The following SSBP3 variants were observed in gnomAD, a reference collection of about 807,000 sequenced individuals.
SSBP3 encodes the protein single-stranded DNA-binding protein 3.
SSBP3 carries 5 observed loss-of-function variants against 69.6 expected under a neutral mutation model. The observed-to-expected ratio is 0.07, with a 90% CI of 0.04 to 0.15. SSBP3 has a LOEUF of 0.15. SSBP3 is among the 10% of genes least tolerant of loss of function. The probability of loss-of-function intolerance (pLI) is 1.00; values close to 1 mark genes in which losing one functional copy is unlikely to be tolerated. For missense variants in SSBP3, 312 were observed against 534.0 expected (o/e 0.58, Z 4.10); for synonymous variants, 196 against 193.4 (o/e 1.01, Z -0.11).
chr1:54,358,169 C>A (rs1164009410), intron 4 of SSBP3, among the ~76,000 whole-genome samples: 1 of 152,204 alleles, frequency 6.6e-6, no homozygotes, highest in Non-Finnish European at 1.5e-5. Flanking sequence ...TCATTGGGCA[C>A]TTAACTATGT....
At chr1:54,276,603 T>C (rs1381300243) in intron 5 of SSBP3, among the ~76,000 whole-genome samples, 2 of 36,796 alleles carry the variant, frequency 5.4e-5, no homozygotes, top group African/African-American at 3.4e-4. Context: ...AGTGAGACTC[T>C]GTCTCAAAAA....
chr1:54,300,488 T>C (rs1455230110), intron 4 of SSBP3, among the ~76,000 whole-genome samples: 1 of 152,118 alleles, frequency 6.6e-6, no homozygotes, highest in Non-Finnish European at 1.5e-5. Context: ...CATTTGCTGT[T>C]GCACACATTA....
chr1:54,283,272 TA>T lies in SSBP3; in HGVS notation c.277-1746del, dbSNP rs60875737. 1.5e-3 allele frequency among the ~76,000 whole-genome samples: 193 copies of T among 126,564 alleles called. 2 individuals are homozygous for T. The highest frequency in any genetic ancestry group is 7.3e-3 in the East Asian group (23 of 3,132). 83.0% of individuals were successfully genotyped at this position (126,564 alleles called of 152,430 possible). Reference sequence around the variant, plus strand: ...GACAAAAGCAAAACTCCCCATCTCATAAAAAAAAAAAAAAAAAAAGGAACCA... The same window carrying T: ...GACAAAAGCAAAACTCCCCATCTCATAAAAAAAAAAAAAAAAAAGGAACCA... On this transcript the variant is annotated intron_variant, in intron 4 of 17. Coordinates refer to ENST00000610401, the Ensembl canonical transcript of SSBP3.
chr1:54,295,509 C>T lies in SSBP3; in HGVS notation c.277-13982G>A, dbSNP rs147983016. Among the ~76,000 whole-genome samples, 14 of 152,318 alleles carry T rather than the reference C, an allele frequency of 9.2e-5. No homozygotes were observed. The East Asian group carries it at 2.7e-3, about 29-fold the overall frequency. ...GCATGCAATACCAATGGCCTCCTAA[C>T]CAAGCCGACACAGCACTGGATTTAG... On this transcript the variant is annotated intron_variant, in intron 4 of 17. Transcript: ENST00000610401.
chr1:54,396,873 T>C (rs1270710276), intron 4 of SSBP3, among the ~76,000 whole-genome samples: 1 of 152,156 alleles, frequency 6.6e-6, no homozygotes, highest in Non-Finnish European at 1.5e-5. Flanking sequence ...TGCCGCCACT[T>C]GAAACCCATT....
At chr1:54,404,527 G>A (rs765773636) in intron 3 of SSBP3, 49 bp downstream of exon 3, 5 of 1,604,298 alleles carry the variant, frequency 3.1e-6, no homozygotes, top group East Asian at 2.2e-5. Context: ...CTTGGACCCA[G>A]GGCTCACAAC....
intron 4 of SSBP3, among the ~76,000 whole-genome samples, chr1:54,346,804 G>A (rs370999164): frequency 3.3e-5 from 5 of 149,744 alleles, no homozygotes; most frequent in South Asian, 2.1e-4. Flanking sequence ...AATAGAGTGA[G>A]ACTCCATCTC....
chr1:54,279,204 C>T (rs1231915766), intron 5 of SSBP3, among the ~76,000 whole-genome samples: 3 of 152,130 alleles, frequency 2.0e-5, no homozygotes, highest in Non-Finnish European at 2.9e-5. Context: ...GATGGCTCGC[C>T]GTGCCTGGGA....
At chr1:54,392,951 C>T (rs1395918821) in intron 4 of SSBP3, among the ~76,000 whole-genome samples, 1 of 152,170 alleles carries the variant, frequency 6.6e-6, no homozygotes, top group African/African-American at 2.4e-5. Flanking sequence ...GTCGTCCTGG[C>T]AGGCCTGGTG....
intron 4 of SSBP3, among the ~76,000 whole-genome samples, chr1:54,357,728 C>G (rs1355956526): frequency 1.3e-5 from 2 of 152,240 alleles, no homozygotes; most frequent in African/African-American, 4.8e-5. Context: ...ATAGCAAGAC[C>G]TTTTCTCTCA....
intron 9 of SSBP3, among the ~76,000 whole-genome samples, chr1:54,247,576 T>C (rs750315137): frequency 4.6e-5 from 7 of 152,140 alleles, no homozygotes; most frequent in Non-Finnish European, 8.8e-5. Flanking sequence ...GGGGGTGGCA[T>C]AGGATTGTCC....
At chr1:54,363,768 G>A (rs759597381) in intron 4 of SSBP3, among the ~76,000 whole-genome samples, 11 of 152,212 alleles carry the variant, frequency 7.2e-5, no homozygotes, top group Admixed American at 5.9e-4. Context: ...GAAATGTATA[G>A]GGAAAGGTAT....
intron 4 of SSBP3, among the ~76,000 whole-genome samples, chr1:54,400,464 G>A: frequency 6.6e-6 from 1 of 152,152 alleles, no homozygotes; most frequent in East Asian, 1.9e-4. Flanking sequence ...GAACATCCAG[G>A]TCAGGAAACC....
chr1:54,316,698 AAAT>A lies in SSBP3; in HGVS notation c.277-35174_277-35172del, dbSNP rs1364103686. ...TAAATAAATAAATAAATAAATAAATAAATAAATAAATAAAATAAAATAAAATAA... is the reference window on the plus strand; with the variant it reads ...TAAATAAATAAATAAATAAATAAATAAAATAAATAAAATAAAATAAAATAA... On this transcript the variant is annotated intron_variant, in intron 4 of 17. Coordinates refer to ENST00000610401, the Ensembl canonical transcript of SSBP3. Among the ~76,000 whole-genome samples the A allele has an allele frequency of 6.3e-4, 79 of 125,556 alleles. 2 individuals are homozygous for A. The East Asian group carries it at 0.012, about 19-fold the overall frequency. 82.4% of individuals were successfully genotyped at this position (125,556 alleles called of 152,430 possible). A position where few individuals can be genotyped will look rare whatever the true frequency, so the allele number is the denominator to read the frequency against.
At chr1:54,318,499 T>C (rs1569786939) in intron 4 of SSBP3, among the ~76,000 whole-genome samples, 1 of 152,126 alleles carries the variant, frequency 6.6e-6, no homozygotes, top group East Asian at 1.9e-4. Flanking sequence ...TCTGCTTTCC[T>C]CACAGACACC....
At chr1:54,337,866 C>T (rs966992745) in intron 4 of SSBP3, among the ~76,000 whole-genome samples, 4 of 152,094 alleles carry the variant, frequency 2.6e-5, no homozygotes, top group South Asian at 2.1e-4. Context: ...TGGTGGCTCA[C>T]GTCTGTAACC....
At chr1:54,265,306 G>C (rs1192428602) in intron 5 of SSBP3, among the ~76,000 whole-genome samples, 1 of 152,198 alleles carries the variant, frequency 6.6e-6, no homozygotes, top group African/African-American at 2.4e-5. Context: ...TGTGTGAAGG[G>C]TGTGGGTGTG....
intron 5 of SSBP3, among the ~76,000 whole-genome samples, chr1:54,275,155 C>T (rs1009546455): frequency 2.0e-4 from 31 of 152,300 alleles, no homozygotes; most frequent in African/African-American, 7.2e-4. Flanking sequence ...GCTGACAGGT[C>T]CCTGCCCTTA....
At chr1:54,241,105 A>C in intron 12 of SSBP3, 146 bp from the exon 13 acceptor site, 4 of 862,232 alleles carry the variant, frequency 4.6e-6, no homozygotes, top group Non-Finnish European at 7.1e-6. Flanking sequence ...CGCTCACTCA[A>C]AGTACTCAAG....
Sources: allele counts gnomAD v4.1 joint callset (sites outside exome capture counted in the v4.1 genomes callset), GRCh38; gene constraint gnomAD v4.1.1; transcripts MANE v1.5; gene names NCBI Gene and HGNC (gene_info 2026-07-23, HGNC 2026-07-21).